The following RABGAP1 variants were observed in gnomAD, a reference collection of about 807,000 sequenced individuals.
RABGAP1 encodes RAB GTPase activating protein 1.
In RABGAP1, 23 loss-of-function variants were observed where a neutral mutation model predicts 137.6. The observed-to-expected ratio is 0.17, with a 90% CI of 0.12 to 0.24. RABGAP1 has a LOEUF of 0.24. Among genes scored for constraint, RABGAP1 ranks in the 10% least tolerant of loss-of-function variants. RABGAP1 has a pLI of 1.00. For synonymous variants in RABGAP1, 451 were observed against 450.7 expected, an observed-to-expected ratio of 1.00 and a Z score of -0.01; for missense variants, 906 against 1,275.8, an observed-to-expected ratio of 0.71 and a Z score of 4.42.
chr9:123,059,680 C>G (rs1359314182), intron 13 of RABGAP1, among the ~76,000 whole-genome samples: 1 of 152,164 alleles, frequency 6.6e-6, no homozygotes, highest in East Asian at 1.9e-4. Context: ...GGGATTTGTG[C>G]TCTTATAAAG....
At chr9:123,004,692 T>A (rs2030051833) in intron 10 of RABGAP1, among the ~76,000 whole-genome samples, 1 of 152,334 alleles carries the variant, frequency 6.6e-6, no homozygotes, top group African/African-American at 2.4e-5. Flanking sequence ...ATTTTCTTTT[T>A]AAAATATTTA....
In RABGAP1 at chr9:123,034,385, T is replaced by G. The variant is rs1354383300; in HGVS notation, c.1794+13926T>G. ...TGGCTCTCCTTATTCCAGGAAGGAT[T>G]TAAAGGGGAATTGCACTGCAGGCAA... On this transcript the variant is annotated intron_variant, in intron 13 of 25. Coordinates refer to ENST00000373647, the MANE Select transcript of RABGAP1 (RefSeq NM_012197.4). 7.0e-5 allele frequency: 41 copies of G among 588,872 alleles called. No individual in the cohort carries two copies. In the East Asian group the frequency reaches 1.1e-3, roughly 16 times the overall value. The allele number at this position is 588,872 out of a possible 1,614,324, so 36.5% of individuals were successfully genotyped here. A position where few individuals can be genotyped will look rare whatever the true frequency, so the allele number is the denominator to read the frequency against.
At chr9:123,041,016 A>G (rs928615049) in intron 13 of RABGAP1, among the ~76,000 whole-genome samples, 5 of 152,184 alleles carry the variant, frequency 3.3e-5, no homozygotes, top group African/African-American at 4.8e-5. Context: ...TTGCTTTTGC[A>G]GAGGAGTTGG....
At chr9:122,942,532 T>C (rs1230948736) in intron 1 of RABGAP1, among the ~76,000 whole-genome samples, 2 of 151,448 alleles carry the variant, frequency 1.3e-5, no homozygotes, top group African/African-American at 4.8e-5. Context: ...TAGACGGGCG[T>C]AGTGGCAGGC....
chr9:122,956,953 G>T, intron 1 of RABGAP1, 58 bp from the exon 2 acceptor site: 1 of 904,352 alleles, frequency 1.1e-6, no homozygotes, highest in South Asian at 4.0e-5. Flanking sequence ...GAAGTACAGT[G>T]TAATTGAATA....
At chr9:123,005,038 A>C (rs557728393) in intron 10 of RABGAP1, among the ~76,000 whole-genome samples, 81 of 145,472 alleles carry the variant, frequency 5.6e-4, no homozygotes, top group Non-Finnish European at 1.0e-3. Context: ...CCTGGGCAAC[A>C]AGAGTGAAAC....
chr9:123,023,023 A>G (rs930563862), intron 13 of RABGAP1, among the ~76,000 whole-genome samples: 1 of 152,182 alleles, frequency 6.6e-6, no homozygotes, highest in African/African-American at 2.4e-5. Flanking sequence ...ATGACATTTT[A>G]CATATAAATA....
At chr9:123,010,265 A>C in intron 10 of RABGAP1, 89 bp from the exon 11 acceptor site, 1 of 1,189,674 alleles carries the variant, frequency 8.4e-7, no homozygotes. Context: ...AGCCGAGATC[A>C]CTGCAATTAA....
chr9:123,045,430 G>A (rs759005143), intron 13 of RABGAP1, among the ~76,000 whole-genome samples: 1 of 152,068 alleles, frequency 6.6e-6, no homozygotes, highest in Non-Finnish European at 1.5e-5. Flanking sequence ...GTATGTATTC[G>A]TAGGAATCTA....
chr9:122,963,182 G>A (rs1834942802), intron 2 of RABGAP1, among the ~76,000 whole-genome samples: 1 of 152,188 alleles, frequency 6.6e-6, no homozygotes, highest in Non-Finnish European at 1.5e-5. Flanking sequence ...GCTGAGGCGG[G>A]TGGATTGCTT....
intron 19 of RABGAP1, among the ~76,000 whole-genome samples, chr9:123,088,965 A>G (rs926130424): frequency 2.0e-5 from 3 of 152,218 alleles, no homozygotes; most frequent in Non-Finnish European, 4.4e-5. Flanking sequence ...GGGTTCTTTC[A>G]TAGAGTAGTC....
At chr9:122,967,014 T>C (rs992175400) in intron 2 of RABGAP1, among the ~76,000 whole-genome samples, 2 of 152,138 alleles carry the variant, frequency 1.3e-5, no homozygotes, top group Non-Finnish European at 2.9e-5. Context: ...CACATGGGAA[T>C]TGGGGGAGTT....
intron 13 of RABGAP1, among the ~76,000 whole-genome samples, chr9:123,063,526 G>A (rs1358275399): frequency 6.6e-6 from 1 of 152,202 alleles, no homozygotes; most frequent in African/African-American, 2.4e-5. Context: ...TTGTATAGGA[G>A]TTCCAGTTGT....
At chr9:122,977,349 AG>A (rs1260328747) in intron 2 of RABGAP1, among the ~76,000 whole-genome samples, 1 of 152,244 alleles carries the variant, frequency 6.6e-6, no homozygotes, top group African/African-American at 2.4e-5. Flanking sequence ...AGAGAAATCA[AG>A]GATGATTGTA....
the RABGAP1 span, among the ~76,000 whole-genome samples, chr9:122,932,642 G>A: frequency 6.6e-6 from 1 of 151,940 alleles, no homozygotes. Flanking sequence ...CGGTTCTCCT[G>A]CCTCCGTCTC....
At chr9:122,958,594 C>T (rs905174936) in intron 2 of RABGAP1, among the ~76,000 whole-genome samples, 5 of 151,754 alleles carry the variant, frequency 3.3e-5, no homozygotes, top group Admixed American at 6.6e-5. Flanking sequence ...CTAATGTAAA[C>T]GACAAGTTAA....
intron 21 of RABGAP1, among the ~76,000 whole-genome samples, chr9:123,092,144 G>A (rs1188043202): frequency 2.6e-5 from 4 of 152,172 alleles, no homozygotes; most frequent in Non-Finnish European, 4.4e-5. Flanking sequence ...TTTTTAGTTT[G>A]AGCTGTTGTA....
chr9:122,960,803 CAG>C (rs777609634), intron 2 of RABGAP1, among the ~76,000 whole-genome samples: 72 of 151,962 alleles, frequency 4.7e-4, no homozygotes, highest in Middle Eastern at 3.4e-3. Context: ...TCACATGAAA[CAG>C]AGAATATTAA....
At chr9:122,958,709 G>C (rs542201208) in intron 2 of RABGAP1, among the ~76,000 whole-genome samples, 1 of 152,176 alleles carries the variant, frequency 6.6e-6, no homozygotes, top group East Asian at 1.9e-4. Context: ...AAAAATTTTT[G>C]TCAAAATTTT....
Sources: gnomAD v4.1 joint callset for allele counts (sites outside exome capture counted in the v4.1 genomes callset) on GRCh38, gnomAD v4.1.1 for gene constraint, MANE v1.5 for transcripts, NCBI Gene and HGNC (gene_info 2026-07-23, HGNC 2026-07-21) for gene names.